The following HDAC9 variants were observed in gnomAD, a reference collection of about 807,000 sequenced individuals.
The protein encoded by HDAC9 is histone deacetylase 9.
Under a neutral mutation model 139.4 loss-of-function variants are expected in HDAC9, and 41 were observed. That is an observed-to-expected ratio of 0.29 (90% CI 0.23 to 0.38). The LOEUF (loss-of-function observed/expected upper bound fraction) is 0.38, where lower values mean the gene tolerates loss of function less well. Among genes scored for constraint, HDAC9 ranks in the 10% least tolerant of loss-of-function variants. The pLI is 1.00. For missense variants in HDAC9, 1,147 were observed against 1,297.0 expected (o/e 0.88, Z 1.78); for synonymous variants, 517 against 476.2 (o/e 1.09, Z -1.12).
chr7:18,891,236 T>C (rs1800654230), intron 22 of HDAC9, among the ~76,000 whole-genome samples: 1 of 152,102 alleles, frequency 6.6e-6, no homozygotes, highest in African/African-American at 2.4e-5. Context: ...ATAAAGTGAG[T>C]CCCTAAAACC....
chr7:18,819,407 C>T (rs372184205), intron 17 of HDAC9, among the ~76,000 whole-genome samples: 3 of 152,268 alleles, frequency 2.0e-5, no homozygotes, highest in South Asian at 2.1e-4. Context: ...ATATAAGGAA[C>T]ACAAAAATAA....
At chr7:18,197,732 A>G (rs1245691481) in intron 2 of HDAC9, among the ~76,000 whole-genome samples, 1 of 152,206 alleles carries the variant, frequency 6.6e-6, no homozygotes, top group African/African-American at 2.4e-5. Flanking sequence ...CCATGAGGCC[A>G]ACAATTTACT....
At chr7:18,626,121 C>T in intron 6 of HDAC9, among the ~76,000 whole-genome samples, 1 of 151,862 alleles carries the variant, frequency 6.6e-6, no homozygotes, top group East Asian at 1.9e-4. Flanking sequence ...CAGAAAATAG[C>T]AATAGTGGGA....
At chr7:18,982,437 T>TAACA (rs1297572376) in intron 25 of HDAC9, among the ~76,000 whole-genome samples, 1 of 152,162 alleles carries the variant, frequency 6.6e-6, no homozygotes, top group Non-Finnish European at 1.5e-5. Flanking sequence ...GCCTTACTTC[T>TAACA]AACATTCTTC....
intron 17 of HDAC9, among the ~76,000 whole-genome samples, chr7:18,823,217 A>G (rs1482560635): frequency 6.6e-6 from 1 of 152,142 alleles, no homozygotes; most frequent in Non-Finnish European, 1.5e-5. Flanking sequence ...TAGACATTGT[A>G]TTTGAATTGC....
chr7:18,133,663 G>C lies in HDAC9; in HGVS notation c.-96-28566G>C, dbSNP rs573049675. Among the ~76,000 whole-genome samples, 5 of 152,106 alleles carry C rather than the reference G, an allele frequency of 3.3e-5. No individual in the cohort carries two copies. In the South Asian group the frequency reaches 1.0e-3, roughly 32 times the overall value. On this transcript the variant is annotated intron_variant, in intron 1 of 12. Coordinates refer to the HDAC9 transcript ENST00000417496. ...TGACTTAATGGGCTCGAGTTTTGTT[G>C]GTTGTTTTGCATTTAAAATGGCACT...
chr7:18,785,979 T>G (rs1234082317), intron 16 of HDAC9, among the ~76,000 whole-genome samples: 3 of 152,202 alleles, frequency 2.0e-5, no homozygotes, highest in Non-Finnish European at 4.4e-5. Context: ...ATTATTGTTA[T>G]TGTCATTATT....
chr7:18,735,806 T>C (rs1411168451), intron 13 of HDAC9, among the ~76,000 whole-genome samples: 1 of 152,224 alleles, frequency 6.6e-6, no homozygotes, highest in African/African-American at 2.4e-5. Context: ...TAGCATTGAA[T>C]CTATAAATTA....
intron 21 of HDAC9, among the ~76,000 whole-genome samples, chr7:18,857,791 T>A (rs1797801100): frequency 6.6e-6 from 1 of 152,140 alleles, no homozygotes; most frequent in African/African-American, 2.4e-5. Flanking sequence ...TGAAAAAATC[T>A]ATGAAAAGAC....
rs372878589 is a variant in HDAC9 at position 18,466,072 on chromosome 7, G to A, written c.-41-30190G>A. On this transcript the variant is annotated intron_variant, in intron 1 of 3. Coordinates refer to the HDAC9 transcript ENST00000413509. ...GCTATAAGGGAGAAATCAGCTTGTTGCTCATGCAAGTTGGTGGCAGCATTC... is the reference window on the plus strand; with the variant it reads ...GCTATAAGGGAGAAATCAGCTTGTTACTCATGCAAGTTGGTGGCAGCATTC... 1.7e-3 allele frequency among the ~76,000 whole-genome samples: 255 copies of A among 152,316 alleles called. 1 individual carries two copies. The highest frequency in any genetic ancestry group is 5.2e-3 in the Admixed American group (79 of 15,300).
chr7:18,608,926 A>G (rs1298332438), intron 6 of HDAC9, among the ~76,000 whole-genome samples: 4 of 152,194 alleles, frequency 2.6e-5, no homozygotes, highest in Non-Finnish European at 5.9e-5. Context: ...TCATATTTTC[A>G]GATTATAGGC....
chr7:18,681,283 T>G (rs574733577), intron 12 of HDAC9, among the ~76,000 whole-genome samples: 1 of 152,164 alleles, frequency 6.6e-6, no homozygotes, highest in African/African-American at 2.4e-5. Flanking sequence ...CAGTTTGGTC[T>G]TGTTTTCATA....
At chr7:18,371,009 A>G (rs546746540) in intron 1 of HDAC9, among the ~76,000 whole-genome samples, 3 of 152,274 alleles carry the variant, frequency 2.0e-5, no homozygotes, top group South Asian at 2.1e-4. Context: ...TCATCTCAAT[A>G]GTCCAGAACT....
At chr7:18,647,484 T>G (rs1474497168) in intron 9 of HDAC9, among the ~76,000 whole-genome samples, 2 of 152,184 alleles carry the variant, frequency 1.3e-5, no homozygotes, top group African/African-American at 4.8e-5. Context: ...ACAGATCTCT[T>G]GAATTTATTC....
At chr7:18,320,472 G>C (rs1799949566) in intron 1 of HDAC9, among the ~76,000 whole-genome samples, 1 of 152,080 alleles carries the variant, frequency 6.6e-6, no homozygotes, top group African/African-American at 2.4e-5. Context: ...CTGCAGGATC[G>C]GTGGCTCTTC....
At chr7:18,625,370 T>C (rs1366897750) in intron 6 of HDAC9, among the ~76,000 whole-genome samples, 1 of 152,170 alleles carries the variant, frequency 6.6e-6, no homozygotes, top group Non-Finnish European at 1.5e-5. Flanking sequence ...CAGCTGCCAT[T>C]GACTGATTGC....
intron 2 of HDAC9, among the ~76,000 whole-genome samples, chr7:18,533,477 A>G (rs113736072): frequency 4.6e-5 from 7 of 152,268 alleles, no homozygotes; most frequent in African/African-American, 1.7e-4. Context: ...ATCTTTTTCA[A>G]TGATAGATTT....
chr7:18,241,761 T>A (rs1472853523), intron 2 of HDAC9, among the ~76,000 whole-genome samples: 1 of 152,158 alleles, frequency 6.6e-6, no homozygotes, highest in Non-Finnish European at 1.5e-5. Context: ...TATGGTGGGA[T>A]GACGTGGCCA....
chr7:18,507,617 G>A (rs1183697945), intron 2 of HDAC9, among the ~76,000 whole-genome samples: 4 of 152,062 alleles, frequency 2.6e-5, no homozygotes, highest in African/African-American at 4.8e-5. Flanking sequence ...TCAGCCTCCT[G>A]AGTAGCTGGG....
Sources: gnomAD v4.1 joint callset for allele counts (sites outside exome capture counted in the v4.1 genomes callset) on GRCh38, gnomAD v4.1.1 for gene constraint, MANE v1.5 for transcripts, NCBI Gene and HGNC (gene_info 2026-07-23, HGNC 2026-07-21) for gene names.